Variants in HPS1 observed in about 807,000 individuals in gnomAD.
HPS1 encodes the protein BLOC-3 complex member HPS1.
Under a neutral mutation model 90.6 loss-of-function variants are expected in HPS1, and 59 were observed. That is an observed-to-expected ratio of 0.65 (90% confidence interval 0.53 to 0.81). The LOEUF is 0.81. Ranked by LOEUF, HPS1 falls within the 30% of genes least tolerant of loss-of-function variation. The probability of loss-of-function intolerance (pLI) is 0.00; values close to 1 mark genes in which losing one functional copy is unlikely to be tolerated. For synonymous variants in HPS1, 388 were observed against 384.4 expected (o/e 1.01, Z -0.11); for missense variants, 849 against 896.7 (o/e 0.95, Z 0.68).
intron 16 of HPS1, among the ~76,000 whole-genome samples, chr10:98,423,279 A>ACCCCCCCCCCCCCGCCCC (rs10636671): frequency 7.6e-6 from 1 of 132,070 alleles, no homozygotes; most frequent in African/African-American, 3.0e-5. Context: ...GACCACAGGA[A>ACCCCCCCCCCCCCGCCCC]CCCCCCCCCC....
chr10:98,444,015 T>C (rs985162146), intron 2 of HPS1, among the ~76,000 whole-genome samples: 3 of 151,196 alleles, frequency 2.0e-5, no homozygotes, highest in Non-Finnish European at 4.4e-5. Context: ...CCAGCCTGGG[T>C]GACAGAGCGA....
chr10:98,414,130 A>G (rs1843884960), downstream of HPS1: 1 of 151,842 alleles, frequency 6.6e-6, no homozygotes, highest in Non-Finnish European at 1.5e-5. Context: ...TACATCACAC[A>G]TTTTTCCCTG....
At position 98,427,343 on chromosome 10, in the gene HPS1, C is replaced by T. The variant is rs1845750268; in HGVS notation, c.938-79G>A. On this transcript the variant is annotated intron_variant, in intron 10 of 19. Coordinates refer to ENST00000361490, the MANE Select transcript of HPS1 (RefSeq NM_000195.5). ...TGGCTCAACAGCATGGGGTAGGGGG[C>T]CCAGGTGCCCCCCACAACCTCAGCC... 4.1e-6 allele frequency: 5 copies of T among 1,224,744 alleles called. No individual in the cohort carries two copies. The South Asian group carries it at 5.2e-5, about 13-fold the overall frequency. The allele number at this position is 1,224,744 out of a possible 1,614,324, so 75.9% of individuals were successfully genotyped here. A position where few individuals can be genotyped will look rare whatever the true frequency, so the allele number is the denominator to read the frequency against.
chr10:98,446,498 TG>T (rs1939591977), intron 1 of HPS1, among the ~76,000 whole-genome samples: 1 of 152,212 alleles, frequency 6.6e-6, no homozygotes, highest in African/African-American at 2.4e-5. Flanking sequence ...CAGCTCCTTC[TG>T]GGGTCCCACA....
At chr10:98,438,420 G>A (rs1283431519) in intron 3 of HPS1, among the ~76,000 whole-genome samples, 2 of 152,170 alleles carry the variant, frequency 1.3e-5, no homozygotes, top group African/African-American at 4.8e-5. Flanking sequence ...ATGGAGATGA[G>A]GAACTTATTT....
Position 98,417,321 on chromosome 10 carries a change from G to A in HPS1, c.*243C>T, listed in dbSNP as rs1451040131. On this transcript the variant is annotated 3_prime_UTR_variant, in exon 20 of 20. Coordinates refer to ENST00000361490, the MANE Select transcript of HPS1 (RefSeq NM_000195.5). The surrounding 1 kb of genome is among the most constrained non-coding windows in gnomAD (Gnocchi z 4.2). ...CTCTGGAAGAGGAGCTGTTGCCACC[G>A]TTGTTTTACAAACAGGACCCCTGGG... The A allele has an allele frequency of 5.3e-5, 24 of 456,872 alleles. No individual in the cohort carries two copies. Among genetic ancestry groups the A allele is most frequent in the African/African-American group, 1.6e-4 (8 of 50,374 alleles). The allele number at this position is 456,872 out of a possible 1,614,324, so 28.3% of individuals were successfully genotyped here.
chr10:98,423,504 C>G, intron 16 of HPS1, 99 bp downstream of exon 16: 1 of 1,099,956 alleles, frequency 9.1e-7, no homozygotes, highest in Non-Finnish European at 1.4e-6. Context: ...GAACATATAT[C>G]CCCCTTCCCT....
Position 98,423,517 on chromosome 10 carries a change from G to T in HPS1, c.1598+86C>A, listed in dbSNP as rs972693664. The stretch of plus-strand genomic sequence containing the variant: ...TGGAACATATATCCCCCTTCCCTGG[G>T]GCCCATAGTCCCTCCAGGGAGCAGG... On this transcript the variant is annotated intron_variant, in intron 16 of 19. Transcript: ENST00000361490. 8.1e-6 allele frequency: 10 copies of T among 1,235,778 alleles called. No homozygotes were observed. The African/African-American group carries it at 1.2e-4, about 15-fold the overall frequency. The allele number at this position is 1,235,778 out of a possible 1,614,324, so 76.6% of individuals were successfully genotyped here.
chr10:98,423,917 A>G, intron 14 of HPS1, 30 bp from the exon 15 acceptor site: 1 of 1,611,748 alleles, frequency 6.2e-7, no homozygotes, highest in East Asian at 2.2e-5. Flanking sequence ...GCATTACAGC[A>G]GAAGGGACCT....
chr10:98,429,477 A>G, intron 10 of HPS1, 96 bp downstream of exon 10: 1 of 1,602,614 alleles, frequency 6.2e-7, no homozygotes, highest in African/African-American at 1.3e-5. Flanking sequence ...AAGCCTTAGG[A>G]GGCACGGGGG....
downstream of HPS1, chr10:98,415,229 G>A (rs1408921081): frequency 2.7e-6 from 4 of 1,471,320 alleles, no homozygotes; most frequent in African/African-American, 4.2e-5. Flanking sequence ...GAGGAAGCAG[G>A]AAGAGGAGGA....
chr10:98,428,542 C>T (rs1365967452), intron 10 of HPS1, among the ~76,000 whole-genome samples: 2 of 152,172 alleles, frequency 1.3e-5, no homozygotes, highest in Admixed American at 6.5e-5. Context: ...CTTAATTGGG[C>T]TGGCTGAAGC....
chr10:98,416,716 C>G lies in HPS1; in HGVS notation c.*848G>C, dbSNP rs879504725. The G allele has an allele frequency of 2.0e-5, 3 of 152,330 alleles. No individual in the cohort carries two copies. Among genetic ancestry groups the G allele is most frequent in the Non-Finnish European group, 4.4e-5 (3 of 68,084 alleles). 9.4% of individuals were successfully genotyped at this position (152,330 alleles called of 1,614,324 possible). A position where few individuals can be genotyped will look rare whatever the true frequency, so the allele number is the denominator to read the frequency against. ...TCCTGGCCTCAGAGGAGCAGACACT[C>G]CCAGTCCCAGGGCTCTCAGGGTCTC... is the stretch of plus-strand genomic sequence containing the variant. On this transcript the variant is annotated 3_prime_UTR_variant, in exon 20 of 20. Transcript: ENST00000361490.
chr10:98,433,231 CAAA>C (rs35145578), intron 6 of HPS1, among the ~76,000 whole-genome samples: 9 of 85,370 alleles, frequency 1.1e-4, no homozygotes, highest in Admixed American at 2.8e-4. Flanking sequence ...GACTCCATCT[CAAA>C]AAAAAAAAAA....
Position 98,427,225 on chromosome 10 carries a change from T to C in HPS1, c.977A>G (p.Asp326Gly). 1.3e-6 allele frequency: 2 copies of C among 1,551,380 alleles called. No individual in the cohort carries two copies. The highest frequency in any genetic ancestry group is 1.7e-6 in the Non-Finnish European group (2 of 1,146,764). Residue 326 changes from aspartate (D) to glycine (G), a missense_variant, in exon 11 of 20, where the codon GAT becomes GGT. Coordinates refer to ENST00000361490, the MANE Select transcript of HPS1 (RefSeq NM_000195.5). ...ACAGGAGAAACTCACCTGAAGGGCATCCATGGGGGGGGTGCCCCCCTCCAG... is the reference window on the plus strand; with the variant it reads ...ACAGGAGAAACTCACCTGAAGGGCACCCATGGGGGGGGTGCCCCCCTCCAG... Reference protein sequence around the residue: ...IWLEGGTPPMDALQIAEDTLQ... With the variant: ...IWLEGGTPPMGALQIAEDTLQ...
intron 10 of HPS1, among the ~76,000 whole-genome samples, chr10:98,427,568 G>A (rs761793153): frequency 7.2e-5 from 11 of 152,140 alleles, no homozygotes; most frequent in Non-Finnish European, 1.3e-4. Context: ...GGGTAGAGGG[G>A]CATCTTCCTC....
rs534670970 is a variant in HPS1 at position 98,445,674 on chromosome 10, G to C, written c.-105-270C>G. Among the ~76,000 whole-genome samples the C allele has an allele frequency of 4.6e-5, 7 of 152,176 alleles. No individual in the cohort carries two copies. Among genetic ancestry groups the C allele is most frequent in the African/African-American group, 1.7e-4 (7 of 41,516 alleles). On this transcript the variant is annotated intron_variant, in intron 1 of 19. Transcript: ENST00000361490. This position sits in a 1 kb window ranked among gnomAD's most constrained non-coding sequence, Gnocchi z 4.5. ...TCCCATGAAGTGCTCTCACTTCTGCGGGTCACTCAGAGCTCCCCAAGCAGC... is the reference window on the plus strand; with the variant it reads ...TCCCATGAAGTGCTCTCACTTCTGCCGGTCACTCAGAGCTCCCCAAGCAGC...
rs754102845 is a variant in HPS1, at chr10:98,429,547, T to C, written c.937+26A>G. Reference sequence around the variant, plus strand: ...CTGTCGCTCGCAGCTAGCTATTGTTTCCTCCTGCTTTCCTCCGGTCCTCAC... The same window carrying C: ...CTGTCGCTCGCAGCTAGCTATTGTTCCCTCCTGCTTTCCTCCGGTCCTCAC... On this transcript the variant is annotated intron_variant, in intron 10 of 19. Transcript: ENST00000361490. 1.9e-6 allele frequency: 3 copies of C among 1,614,066 alleles called. No homozygotes were observed. The East Asian group carries it at 6.7e-5, about 36-fold the overall frequency.
rs113054959 is a variant in HPS1, at chr10:98,444,312, T to C, written c.-1+988A>G. Among the ~76,000 whole-genome samples, 494 of 144,400 alleles carry C rather than the reference T, an allele frequency of 3.4e-3. 3 individuals carry two copies. Among genetic ancestry groups the C allele is most frequent in the African/African-American group, 0.011 (419 of 39,406 alleles). The allele number at this position is 144,400 out of a possible 152,430, so 94.7% of individuals were successfully genotyped here. On this transcript the variant is annotated intron_variant, in intron 2 of 19. Coordinates refer to ENST00000361490, the MANE Select transcript of HPS1 (RefSeq NM_000195.5). ...ACTCTGTGCTTGATTATGTAAGAAA[T>C]GTCTTAACTATTCACCCACTGGAAG...
Sources: gnomAD v4.1 joint callset for allele counts (sites outside exome capture counted in the v4.1 genomes callset) on GRCh38, gnomAD v4.1.1 for gene constraint, Gnocchi (gnomAD v3.1) non-coding constraint, MANE v1.5 for transcripts, NCBI Gene and HGNC (gene_info 2026-07-23, HGNC 2026-07-21) for gene names.